Variants in CELF2 observed in about 807,000 individuals in gnomAD.
CELF2 encodes the protein CUG triplet repeat RNA-binding protein 2.
In CELF2, 8 loss-of-function variants were observed where a neutral mutation model predicts 62.6. That is an observed-to-expected ratio of 0.13 (90% CI 0.07 to 0.23). CELF2 has a LOEUF of 0.23. Ranked by LOEUF, CELF2 falls within the 10% of genes least tolerant of loss-of-function variation. The pLI is 1.00. For synonymous variants in CELF2, 258 were observed against 250.0 expected (o/e 1.03, Z -0.30); for missense variants, 333 against 671.0 (o/e 0.50, Z 5.56).
In CELF2 at chr10:11,297,673, T is replaced by A. The variant is rs978178359; in HGVS notation, c.976+9121T>A. ...CATGTTCATGAAATGTGAATATTTT[T>A]AAAAATCTGTAATGGGGCCAGTCAT... is the stretch of plus-strand genomic sequence containing the variant. On this transcript the variant is annotated intron_variant, in intron 9 of 12. Coordinates refer to ENST00000633077, the MANE Select transcript of CELF2 (RefSeq NM_001326342.2). This position sits in a 1 kb window ranked among gnomAD's most constrained non-coding sequence, Gnocchi z 4.4. 3.3e-5 allele frequency among the ~76,000 whole-genome samples: 5 copies of A among 152,190 alleles called. No homozygotes were observed. The highest frequency in any genetic ancestry group is 9.7e-5 in the African/African-American group (4 of 41,446).
intron 1 of CELF2, among the ~76,000 whole-genome samples, chr10:11,141,231 A>G (rs2061311591): frequency 1.3e-5 from 2 of 152,142 alleles, no homozygotes; most frequent in African/African-American, 2.4e-5. Flanking sequence ...GGGTTACTGG[A>G]TGGAGCAGAA....
chr10:10,475,476 CAAAAA>C, the CELF2 span, among the ~76,000 whole-genome samples: 1 of 143,558 alleles, frequency 7.0e-6, no homozygotes, highest in Non-Finnish European at 1.5e-5. Context: ...CTTGGCCACT[CAAAAA>C]AAAAAAAAAA....
chr10:10,595,045 C>T, the CELF2 span, among the ~76,000 whole-genome samples: 3 of 152,216 alleles, frequency 2.0e-5, no homozygotes, highest in Non-Finnish European at 4.4e-5. Context: ...GCTGCAACCT[C>T]TGACTTTGAC....
In CELF2 at chr10:11,043,902, G is replaced by A. The variant is rs2062309991; in HGVS notation, c.74+25739G>A. 2.0e-5 allele frequency among the ~76,000 whole-genome samples: 3 copies of A among 152,112 alleles called. No homozygotes were observed. The South Asian group carries it at 6.2e-4, about 31-fold the overall frequency. On this transcript the variant is annotated intron_variant, in intron 1 of 12. Coordinates refer to ENST00000633077, the MANE Select transcript of CELF2 (RefSeq NM_001326342.2). ...TTAAAATATCCCACAGCCACAGACCGCCTGCCGCTTGCAGTTCCAGCATCT... is the reference window on the plus strand; with the variant it reads ...TTAAAATATCCCACAGCCACAGACCACCTGCCGCTTGCAGTTCCAGCATCT...
At chr10:11,287,574 G>A (rs1293154594) in intron 8 of CELF2, among the ~76,000 whole-genome samples, 8 of 152,090 alleles carry the variant, frequency 5.3e-5, no homozygotes, top group East Asian at 1.9e-4. Flanking sequence ...AATATAAATC[G>A]CTTTAAAAGG....
the CELF2 span, among the ~76,000 whole-genome samples, chr10:10,607,007 A>G: frequency 6.6e-6 from 1 of 152,216 alleles, no homozygotes. Flanking sequence ...AATTAAAGAA[A>G]AAAACAAAGA....
intron 1 of CELF2, among the ~76,000 whole-genome samples, chr10:11,129,240 G>A (rs1418758277): frequency 6.6e-6 from 1 of 152,154 alleles, no homozygotes; most frequent in Non-Finnish European, 1.5e-5. Flanking sequence ...ACTTGATATT[G>A]GTGGATAAGC....
intron 1 of CELF2, among the ~76,000 whole-genome samples, chr10:10,823,844 A>C (rs2057167451): frequency 6.6e-6 from 1 of 152,202 alleles, no homozygotes; most frequent in Non-Finnish European, 1.5e-5. Flanking sequence ...GAAAAAGCAT[A>C]AAACTTGTTC....
intron 2 of CELF2, among the ~76,000 whole-genome samples, chr10:11,198,795 T>A (rs2058563159): frequency 6.6e-6 from 1 of 152,178 alleles, no homozygotes; most frequent in South Asian, 2.1e-4. Context: ...CTAGGTAGTC[T>A]CTAGGGATAA....
the CELF2 span, among the ~76,000 whole-genome samples, chr10:10,672,827 C>T: frequency 6.6e-6 from 1 of 151,996 alleles, no homozygotes; most frequent in East Asian, 1.9e-4. Context: ...TCAATATCTA[C>T]AAAACAACTT....
chr10:11,226,402 G>A (rs1009854158), intron 3 of CELF2, among the ~76,000 whole-genome samples: 1 of 152,210 alleles, frequency 6.6e-6, no homozygotes, highest in Admixed American at 6.5e-5. Context: ...CCTGGCAGGT[G>A]GAGGGCCTCA....
chr10:10,567,533 G>A, the CELF2 span, among the ~76,000 whole-genome samples: 2 of 152,136 alleles, frequency 1.3e-5, no homozygotes, highest in African/African-American at 4.8e-5. Context: ...CATCAACAGA[G>A]GCTTCAGCAG....
At position 11,159,761 on chromosome 10, in the gene CELF2, T is replaced by G. The variant is rs1390361490; in HGVS notation, c.75-5725T>G. On this transcript the variant is annotated intron_variant, in intron 1 of 12. Coordinates refer to ENST00000633077, the MANE Select transcript of CELF2 (RefSeq NM_001326342.2). This position sits in a 1 kb window ranked among gnomAD's most constrained non-coding sequence, Gnocchi z 5.0. Reference sequence around the variant, plus strand: ...TCTTTCTGCTTTTGCCTTAAGCAGCTGAGTCTTGGACAGTTTCCTGTAATA... The same window carrying G: ...TCTTTCTGCTTTTGCCTTAAGCAGCGGAGTCTTGGACAGTTTCCTGTAATA... Among the ~76,000 whole-genome samples the G allele has an allele frequency of 1.3e-5, 2 of 152,266 alleles. No individual in the cohort carries two copies. Among genetic ancestry groups the G allele is most frequent in the African/African-American group, 4.8e-5 (2 of 41,472 alleles).
At chr10:11,265,128 C>T (rs905163032) in intron 5 of CELF2, among the ~76,000 whole-genome samples, 11 of 152,202 alleles carry the variant, frequency 7.2e-5, no homozygotes, top group Non-Finnish European at 1.3e-4. Flanking sequence ...ACCAGGTATT[C>T]GTGCAGAGCA....
At chr10:10,520,980 G>T in the CELF2 span, among the ~76,000 whole-genome samples, 1 of 152,184 alleles carries the variant, frequency 6.6e-6, no homozygotes, top group Admixed American at 6.5e-5. Flanking sequence ...AAGAGTCACA[G>T]TGCTATGGTA....
intron 1 of CELF2, among the ~76,000 whole-genome samples, chr10:11,077,451 A>C (rs1250770186): frequency 6.6e-6 from 1 of 152,210 alleles, no homozygotes; most frequent in Admixed American, 6.5e-5. Flanking sequence ...GAGAGACCTG[A>C]TGCCCTAAGC....
intron 2 of CELF2, among the ~76,000 whole-genome samples, chr10:10,929,242 G>T (rs988851853): frequency 1.3e-5 from 2 of 152,086 alleles, no homozygotes; most frequent in Admixed American, 6.6e-5. Flanking sequence ...CTTGAATCTT[G>T]TGTCTGCCAT....
At chr10:10,894,013 A>G (rs2062356764) in intron 1 of CELF2, among the ~76,000 whole-genome samples, 1 of 152,148 alleles carries the variant, frequency 6.6e-6, no homozygotes, top group Admixed American at 6.5e-5. Flanking sequence ...GCGTTCTTGG[A>G]GCAGAATGAC....
chr10:11,120,459 G>A (rs2057507485), intron 1 of CELF2, among the ~76,000 whole-genome samples: 1 of 152,118 alleles, frequency 6.6e-6, no homozygotes, highest in Non-Finnish European at 1.5e-5. Flanking sequence ...TGAACCAAGA[G>A]AGCATAAGAT....
Sources: gnomAD v4.1 joint callset for allele counts (sites outside exome capture counted in the v4.1 genomes callset) on GRCh38, gnomAD v4.1.1 for gene constraint, Gnocchi (gnomAD v3.1) non-coding constraint, MANE v1.5 for transcripts, NCBI Gene and HGNC (gene_info 2026-07-23, HGNC 2026-07-21) for gene names.